BRD3: variants seen among roughly 807,000 people sequenced by gnomAD.
BRD3 encodes bromodomain containing 3.
Under a neutral mutation model 66.8 loss-of-function variants are expected in BRD3, and 17 were observed. The ratio of observed to expected loss-of-function variants is 0.25; its 90% CI spans 0.17 to 0.38. The LOEUF (loss-of-function observed/expected upper bound fraction) is 0.38. Ranked by LOEUF, BRD3 falls within the 10% of genes least tolerant of loss-of-function variation. BRD3 has a pLI of 1.00. For synonymous variants in BRD3, 421 were observed against 393.2 expected (o/e 1.07, Z -0.84); for missense variants, 713 against 956.1 (o/e 0.75, Z 3.35).
In BRD3 at chr9:134,032,919, A is replaced by C. The variant is rs200442234; in HGVS notation, c.*671T>G. 1 of 374,434 alleles carries C rather than the reference A, an allele frequency of 2.7e-6. No individual in the cohort carries two copies. The highest frequency in any genetic ancestry group is 2.1e-5 in the African/African-American group (1 of 46,766). The allele number at this position is 374,434 out of a possible 1,614,324, so 23.2% of individuals were successfully genotyped here. On this transcript the variant is annotated 3_prime_UTR_variant, in exon 12 of 12. Transcript: ENST00000303407. ...AAAGCTTCAGTGTATGGAAACCTGC[A>C]GGCTGCATACACAGCCGCTCTGTTC...
chr9:134,031,830 G>C lies in BRD3; in HGVS notation c.*1760C>G. The C allele has an allele frequency of 9.0e-6, 2 of 221,666 alleles. No individual in the cohort carries two copies. Among genetic ancestry groups the C allele is most frequent in the Non-Finnish European group, 1.8e-5 (2 of 110,548 alleles). The allele number at this position is 221,666 out of a possible 1,614,324, so 13.7% of individuals were successfully genotyped here. Reference sequence around the variant, plus strand: ...ACCATACAGGACAGACCACACCACAGCTCCATACCCAGCGTCTGCCTGGAG... The same window carrying C: ...ACCATACAGGACAGACCACACCACACCTCCATACCCAGCGTCTGCCTGGAG... On this transcript the variant is annotated 3_prime_UTR_variant, in exon 12 of 12. Transcript: ENST00000303407.
intron 9 of BRD3, among the ~76,000 whole-genome samples, 200 bp downstream of exon 9, chr9:134,039,834 C>G (rs560059130): frequency 6.6e-6 from 1 of 151,660 alleles, no homozygotes; most frequent in Non-Finnish European, 1.5e-5. Context: ...AGGCCAGCCC[C>G]GCAGACAACT....
chr9:134,038,384 G>A (rs912397166), intron 9 of BRD3, among the ~76,000 whole-genome samples: 1 of 152,172 alleles, frequency 6.6e-6, no homozygotes, highest in Non-Finnish European at 1.5e-5. Flanking sequence ...GGGATTACAG[G>A]TGTGAGCCAC....
chr9:134,051,427 C>T, intron 4 of BRD3, 135 bp downstream of exon 4: 1 of 955,194 alleles, frequency 1.0e-6, no homozygotes, highest in Non-Finnish European at 1.4e-6. Context: ...CCACACTCAT[C>T]CAAGACCCGG....
At chr9:134,062,102 TGGG>T (rs1348147815) in intron 1 of BRD3, among the ~76,000 whole-genome samples, 1 of 152,158 alleles carries the variant, frequency 6.6e-6, no homozygotes, top group Non-Finnish European at 1.5e-5. Flanking sequence ...AGTCGGGGGT[TGGG>T]GGCCCCCTGT....
chr9:134,067,785 A>AGGCGGCGGCGGC (rs912414081), intron 1 of BRD3, among the ~76,000 whole-genome samples, 160 bp downstream of exon 1: 3 of 141,884 alleles, frequency 2.1e-5, no homozygotes, highest in East Asian at 4.4e-4. Flanking sequence ...CCGCGCACAA[A>AGGCGGCGGCGGC]GGCGGCGGCG....
Position 134,052,362 on chromosome 9 carries a change from T to C in BRD3, c.295A>G (p.Ser99Gly). 6.2e-7 allele frequency: 1 copy of C among 1,613,634 alleles called. No homozygotes were observed. Among genetic ancestry groups the C allele is most frequent in the Non-Finnish European group, 8.5e-7 (1 of 1,179,934 alleles). The change falls in exon 3 of 12, where the codon AGC (serine) becomes GGC (glycine). Residue 99 changes from serine to glycine, a missense_variant. Physicochemically the swap from Ser to Gly is moderately conservative, Grantham distance 56. Around this residue, in one of 5 missense-constraint regions of BRD3, gnomAD observed 85 missense variants for 152.4 expected, o/e 0.56. Transcript: ENST00000303407. Reference sequence around the variant, plus strand: ...GTGTTGAAGTCCTGCATACATTCGCTTGCACTCCAATAATAATTATTTTCT... The same window carrying C: ...GTGTTGAAGTCCTGCATACATTCGCCTGCACTCCAATAATAATTATTTTCT... Reference protein sequence around the residue: ...RLENNYYWSASECMQDFNTMF... With the variant: ...RLENNYYWSAGECMQDFNTMF...
chr9:134,037,613 C>T (rs138577810), intron 9 of BRD3, among the ~76,000 whole-genome samples: 40 of 152,080 alleles, frequency 2.6e-4, no homozygotes, highest in African/African-American at 7.2e-4. Context: ...GGTTTCAAGT[C>T]GGTAATCTAA....
intron 7 of BRD3, among the ~76,000 whole-genome samples, chr9:134,042,382 G>A (rs534206539): frequency 4.6e-5 from 7 of 152,230 alleles, no homozygotes; most frequent in Admixed American, 2.6e-4. Flanking sequence ...TCTTCACCCC[G>A]GAACTGACTG....
rs988054348 is a variant in BRD3, at chr9:134,066,953, G to A, written c.-114+992C>T. On this transcript the variant is annotated intron_variant, in intron 1 of 11. Coordinates refer to ENST00000303407, the MANE Select transcript of BRD3 (RefSeq NM_007371.4). ...GGCGGGCCGAGTTCTCGCCCTCCAG[G>A]GAAAGGAGGCCGCGCGAAGCCCCCA... Among the ~76,000 whole-genome samples, 10 of 152,336 alleles carry A rather than the reference G, an allele frequency of 6.6e-5. No individual in the cohort carries two copies. The East Asian group carries it at 1.7e-3, about 26-fold the overall frequency.
intron 6 of BRD3, among the ~76,000 whole-genome samples, chr9:134,047,301 G>A (rs528433018): frequency 1.6e-4 from 24 of 152,366 alleles, no homozygotes; most frequent in African/African-American, 4.8e-4. Flanking sequence ...GGCAGTTGGC[G>A]GAGGAGGCAG....
chr9:134,056,113 C>T (rs1234316657), intron 1 of BRD3: 1 of 152,330 alleles, frequency 6.6e-6, no homozygotes, highest in African/African-American at 2.4e-5. Flanking sequence ...TGGCACCAGC[C>T]CACGAGCCAC....
At chr9:134,063,305 T>A (rs1187622531) in intron 1 of BRD3, among the ~76,000 whole-genome samples, 2 of 152,232 alleles carry the variant, frequency 1.3e-5, no homozygotes, top group Non-Finnish European at 2.9e-5. Context: ...GGAGCCACCG[T>A]GCTTGACCCT....
At position 134,051,685 on chromosome 9, in the gene BRD3, C is replaced by A; in HGVS notation, c.376G>T (p.Ala126Ser). 1 of 1,590,812 alleles carries A rather than the reference C, an allele frequency of 6.3e-7. No individual in the cohort carries two copies. Among genetic ancestry groups the A allele is most frequent in the Non-Finnish European group, 8.5e-7 (1 of 1,172,102 alleles). ...AGAAAAATTTTCTCTAAAGCTTGGG[C>A]CATTAGCACTATGTCATCTGTGGGC... Reference protein sequence around the residue: ...NKPTDDIVLMAQALEKIFLQK... With the variant: ...NKPTDDIVLMSQALEKIFLQK... The change falls in exon 4 of 12, where the codon GCC (alanine) becomes TCC (serine). Residue 126 changes from alanine to serine, a missense_variant. Physicochemically the swap from Ala to Ser is moderately conservative, Grantham distance 99 (BLOSUM62 1). Around this residue, in one of 5 missense-constraint regions of BRD3, gnomAD observed 85 missense variants for 152.4 expected, o/e 0.56. Transcript: ENST00000303407.
At chr9:134,068,457 C>T (rs892582501), upstream of BRD3, 1 of 150,162 alleles carries the variant, frequency 6.7e-6, no homozygotes, top group Non-Finnish European at 1.5e-5. Flanking sequence ...CCCTCGAACC[C>T]CGGCCGCGCA....
chr9:134,052,907 TCTA>T (rs1830334453), intron 2 of BRD3, among the ~76,000 whole-genome samples: 2 of 152,206 alleles, frequency 1.3e-5, no homozygotes. Context: ...ACACTCGGCC[TCTA>T]ACTCCAAGTG....
chr9:134,045,438 C>T lies in BRD3; in HGVS notation c.1087-17G>A, dbSNP rs200192697. On this transcript the variant is annotated splice_polypyrimidine_tract_variant and intron_variant, in intron 6 of 11. Coordinates refer to ENST00000303407, the MANE Select transcript of BRD3 (RefSeq NM_007371.4). This position sits in a 1 kb window ranked among gnomAD's most constrained non-coding sequence, Gnocchi z 4.8. Reference sequence around the variant, plus strand: ...CATCTTCCTCTGCAACACACAGTGACAGGGGCCAGTGAGCGTGGCCCGTGG... The same window carrying T: ...CATCTTCCTCTGCAACACACAGTGATAGGGGCCAGTGAGCGTGGCCCGTGG... 579 of 1,612,978 alleles carry T rather than the reference C, an allele frequency of 3.6e-4. No individual in the cohort carries two copies. The highest frequency in any genetic ancestry group is 8.2e-4 in the Middle Eastern group (5 of 6,082).
At chr9:134,040,363 G>A (rs1830018965) in intron 8 of BRD3, 94 bp from the exon 9 acceptor site, 1 of 1,406,812 alleles carries the variant, frequency 7.1e-7, no homozygotes, top group Non-Finnish European at 9.6e-7. Context: ...TTGGGGCGAT[G>A]TCGGAGCTGC....
At chr9:134,040,405 C>T (rs1271466388) in intron 8 of BRD3, 136 bp from the exon 9 acceptor site, 5 of 977,136 alleles carry the variant, frequency 5.1e-6, no homozygotes, top group Non-Finnish European at 7.5e-6. Flanking sequence ...ACCAGGAGCA[C>T]CTGGGCCCTG....
Sources: allele counts gnomAD v4.1 joint callset (sites outside exome capture counted in the v4.1 genomes callset), GRCh38; gene constraint gnomAD v4.1.1; regional missense constraint gnomAD v4.1.1; non-coding constraint Gnocchi (gnomAD v3.1); transcripts MANE v1.5; gene names NCBI Gene and HGNC (gene_info 2026-07-23, HGNC 2026-07-21).